Variants in HS6ST3 observed in about 807,000 individuals in gnomAD.
The protein encoded by HS6ST3 is heparan-sulfate 6-O-sulfotransferase 3.
A neutral mutation model predicts 36.7 loss-of-function variants in HS6ST3; 12 were observed. That is an observed-to-expected ratio of 0.33 (90% CI 0.21 to 0.53). HS6ST3 has a LOEUF of 0.53. Among genes scored for constraint, HS6ST3 ranks in the 20% least tolerant of loss-of-function variants. HS6ST3 has a pLI of 0.95. For synonymous variants in HS6ST3, 240 were observed against 257.5 expected, an observed-to-expected ratio of 0.93 and a Z score of 0.65; for missense variants, 584 against 640.9, an observed-to-expected ratio of 0.91 and a Z score of 0.96.
intron 1 of HS6ST3, among the ~76,000 whole-genome samples, chr13:96,225,288 C>T (rs1198756924): frequency 6.6e-6 from 1 of 152,194 alleles, no homozygotes; most frequent in Non-Finnish European, 1.5e-5. Flanking sequence ...CTATAAGTCA[C>T]CTACACTAGG....
chr13:96,439,028 C>T (rs377695276), intron 1 of HS6ST3, among the ~76,000 whole-genome samples: 2 of 151,886 alleles, frequency 1.3e-5, no homozygotes, highest in South Asian at 4.2e-4. Context: ...GATTGTGCCA[C>T]TGCACTCCAG....
At chr13:96,371,697 A>T (rs2055290999) in intron 1 of HS6ST3, among the ~76,000 whole-genome samples, 1 of 152,112 alleles carries the variant, frequency 6.6e-6, no homozygotes, top group Admixed American at 6.5e-5. Context: ...TACCACATTT[A>T]AGTCAGATCA....
chr13:96,342,624 T>G (rs2055136379), intron 1 of HS6ST3, among the ~76,000 whole-genome samples: 1 of 152,210 alleles, frequency 6.6e-6, no homozygotes, highest in Admixed American at 6.5e-5. Context: ...CACAAAGCAA[T>G]AATCTGTCTT....
At chr13:96,352,727 A>C (rs1194051986) in intron 1 of HS6ST3, among the ~76,000 whole-genome samples, 1 of 152,188 alleles carries the variant, frequency 6.6e-6, no homozygotes, top group African/African-American at 2.4e-5. Flanking sequence ...TTATAACAGA[A>C]AAACAAATAT....
At chr13:96,234,027 C>T (rs2054520383) in intron 1 of HS6ST3, among the ~76,000 whole-genome samples, 1 of 151,556 alleles carries the variant, frequency 6.6e-6, no homozygotes, top group East Asian at 1.9e-4. Context: ...AGCACATCAA[C>T]ATACCCACGT....
chr13:96,225,904 C>A (rs1389138354), intron 1 of HS6ST3, among the ~76,000 whole-genome samples: 1 of 152,046 alleles, frequency 6.6e-6, no homozygotes, highest in Non-Finnish European at 1.5e-5. Context: ...AGCATGCCAC[C>A]ATTTATATGG....
chr13:96,692,031 A>G (rs781739408), intron 1 of HS6ST3, among the ~76,000 whole-genome samples: 3 of 152,200 alleles, frequency 2.0e-5, no homozygotes, highest in Non-Finnish European at 2.9e-5. Flanking sequence ...AATCATGTTT[A>G]TTATGACTCA....
intron 1 of HS6ST3, among the ~76,000 whole-genome samples, chr13:96,149,228 A>C (rs2054072245): frequency 6.6e-6 from 1 of 152,132 alleles, no homozygotes; most frequent in African/African-American, 2.4e-5. Flanking sequence ...CACCTTTTTG[A>C]TACAGTAGAA....
chr13:96,539,790 C>T (rs2056170724), intron 1 of HS6ST3, among the ~76,000 whole-genome samples: 1 of 152,122 alleles, frequency 6.6e-6, no homozygotes, highest in Non-Finnish European at 1.5e-5. Flanking sequence ...AGTGAACCAC[C>T]CCTAGGTTCA....
intron 1 of HS6ST3, among the ~76,000 whole-genome samples, chr13:96,597,126 G>A (rs987173047): frequency 5.9e-5 from 9 of 151,990 alleles, no homozygotes; most frequent in African/African-American, 2.2e-4. Context: ...CTTTTAAATG[G>A]GAGCTAAATG....
At chr13:96,826,774 C>G (rs1002790734) in intron 1 of HS6ST3, among the ~76,000 whole-genome samples, 4 of 152,162 alleles carry the variant, frequency 2.6e-5, no homozygotes, top group East Asian at 1.9e-4. Context: ...GGTTTGAAAC[C>G]AGTTATGGAA....
chr13:96,694,045 G>A (rs906526787), intron 1 of HS6ST3, among the ~76,000 whole-genome samples: 1 of 151,966 alleles, frequency 6.6e-6, no homozygotes, highest in Non-Finnish European at 1.5e-5. Context: ...AAATTCAGGG[G>A]TACATGTGCA....
rs765479509 is a variant in HS6ST3 at position 96,775,700 on chromosome 13, G to A, written c.708-56790G>A. Among the ~76,000 whole-genome samples the A allele has an allele frequency of 8.6e-5, 13 of 152,004 alleles. No homozygotes were observed. In the South Asian group the frequency reaches 1.3e-3, roughly 15 times the overall value. ...CCAGATTAATAAAGCAAGTTCTTAC[G>A]TACCTACAAAGAGACTTAGACTCCC... On this transcript the variant is annotated intron_variant, in intron 1 of 1. Transcript: ENST00000376705.
intron 1 of HS6ST3, among the ~76,000 whole-genome samples, chr13:96,484,454 ATT>A (rs1397072733): frequency 6.6e-6 from 1 of 152,160 alleles, no homozygotes; most frequent in Non-Finnish European, 1.5e-5. Flanking sequence ...GATCACCAGA[ATT>A]TATCCATCAT....
chr13:96,437,876 A>G (rs892709498), intron 1 of HS6ST3, among the ~76,000 whole-genome samples: 1 of 152,246 alleles, frequency 6.6e-6, no homozygotes, highest in Non-Finnish European at 1.5e-5. Flanking sequence ...CATGTTAAAA[A>G]GTATGAGGAT....
chr13:96,367,600 C>T (rs1426494429), intron 1 of HS6ST3, among the ~76,000 whole-genome samples: 1 of 152,138 alleles, frequency 6.6e-6, no homozygotes, highest in African/African-American at 2.4e-5. Flanking sequence ...AGTTCCACTT[C>T]TTAGATGTTA....
At chr13:96,393,558 A>T (rs1267593743) in intron 1 of HS6ST3, among the ~76,000 whole-genome samples, 3 of 152,240 alleles carry the variant, frequency 2.0e-5, no homozygotes, top group Non-Finnish European at 4.4e-5. Flanking sequence ...CTTGGAGAAC[A>T]TAAAAAGTTT....
chr13:96,351,487 T>C (rs572747126), intron 1 of HS6ST3, among the ~76,000 whole-genome samples: 1 of 152,120 alleles, frequency 6.6e-6, no homozygotes, highest in East Asian at 1.9e-4. Context: ...AATTTTTCTA[T>C]GTTTTGTAGA....
intron 1 of HS6ST3, among the ~76,000 whole-genome samples, chr13:96,795,108 A>G (rs1220213290): frequency 1.3e-5 from 2 of 152,002 alleles, no homozygotes; most frequent in East Asian, 1.9e-4. Context: ...AAATTTACTT[A>G]TGTCAAAGTC....
Sources: allele counts gnomAD v4.1 joint callset (sites outside exome capture counted in the v4.1 genomes callset), GRCh38; gene constraint gnomAD v4.1.1; transcripts MANE v1.5; gene names NCBI Gene and HGNC (gene_info 2026-07-23, HGNC 2026-07-21).